EPHA4: variants seen among roughly 807,000 people sequenced by gnomAD.
The protein encoded by EPHA4 is ephrin type-A receptor 4.
EPHA4 carries 19 observed loss-of-function variants against 108.3 expected under a neutral mutation model. That is an observed-to-expected ratio of 0.18 (90% confidence interval 0.12 to 0.26). The LOEUF is 0.26. EPHA4 is among the 10% of genes least tolerant of loss of function. EPHA4 has a pLI of 1.00. For synonymous variants in EPHA4, 449 were observed against 455.5 expected, an observed-to-expected ratio of 0.99 and a Z score of 0.18; for missense variants, 917 against 1,254.0, an observed-to-expected ratio of 0.73 and a Z score of 4.06.
chr2:221,572,364 G>T, upstream of EPHA4: 2 of 877,204 alleles, frequency 2.3e-6, no homozygotes, highest in Non-Finnish European at 3.5e-6. Context: ...CCGGTGACGT[G>T]AGCCCGCCAG....
At chr2:221,457,321 T>C (rs1356972428) in intron 6 of EPHA4, among the ~76,000 whole-genome samples, 1 of 152,206 alleles carries the variant, frequency 6.6e-6, no homozygotes, top group African/African-American at 2.4e-5. Flanking sequence ...AGACAAGTTA[T>C]TTGTAAAAAT....
chr2:221,435,606 A>G (rs1690206947), intron 13 of EPHA4, among the ~76,000 whole-genome samples: 1 of 152,168 alleles, frequency 6.6e-6, no homozygotes, highest in Non-Finnish European at 1.5e-5. Flanking sequence ...GTTGATTTTA[A>G]CAGTGTCAGT....
Position 221,457,902 on chromosome 2 carries a change from C to A in EPHA4, c.1407G>T (p.Gly469=). The A allele has an allele frequency of 3.1e-6, 5 of 1,613,710 alleles. No homozygotes were observed. Among genetic ancestry groups the A allele is most frequent in the Non-Finnish European group, 4.2e-6 (5 of 1,179,756 alleles). Residue 469 remains glycine, a synonymous_variant, in exon 6 of 18, where the codon GGG becomes GGT. Coordinates refer to ENST00000281821, the MANE Select transcript of EPHA4 (RefSeq NM_004438.5). The stretch of plus-strand genomic sequence containing the variant: ...ACTTGACTTCATATTCCAGGATTAC[C>A]CCATTGGGCCGATCTGGTTCCAGCC... ...LAWLEPDRPN[G]VILEYEVKYY... is the part of the protein sequence containing the mutation.
chr2:221,469,603 C>T (rs1691414931), intron 5 of EPHA4, among the ~76,000 whole-genome samples: 1 of 152,176 alleles, frequency 6.6e-6, no homozygotes, highest in African/African-American at 2.4e-5. Context: ...ATTACTCCGT[C>T]TTCATCACTA....
At chr2:221,519,199 A>G (rs1461178964) in intron 3 of EPHA4, among the ~76,000 whole-genome samples, 1 of 152,216 alleles carries the variant, frequency 6.6e-6, no homozygotes, top group East Asian at 1.9e-4. Context: ...GCAGTGCAAC[A>G]GCTAGGGTGG....
At chr2:221,447,719 AAC>A (rs776699398) in intron 8 of EPHA4, among the ~76,000 whole-genome samples, 8 of 152,194 alleles carry the variant, frequency 5.3e-5, no homozygotes, top group Admixed American at 1.3e-4. Flanking sequence ...AACTTAGCAA[AAC>A]AGAGACCCCA....
intron 3 of EPHA4, among the ~76,000 whole-genome samples, chr2:221,513,762 A>C (rs893264226): frequency 6.6e-6 from 1 of 152,204 alleles, no homozygotes; most frequent in Non-Finnish European, 1.5e-5. Context: ...TTGGTATTGC[A>C]TGTAGTGGAC....
intron 3 of EPHA4, among the ~76,000 whole-genome samples, chr2:221,520,573 A>G (rs540164229): frequency 2.0e-5 from 3 of 150,140 alleles, no homozygotes; most frequent in Non-Finnish European, 4.5e-5. Flanking sequence ...AAGAGGGGGG[A>G]GAGAGAGAGA....
intron 15 of EPHA4, among the ~76,000 whole-genome samples, chr2:221,427,235 C>T (rs892681872): frequency 3.3e-5 from 5 of 152,190 alleles, no homozygotes; most frequent in South Asian, 2.1e-4. Context: ...GGCAGAAGAA[C>T]GGCCACTTTG....
chr2:221,556,739 G>C (rs1559292411), intron 3 of EPHA4, among the ~76,000 whole-genome samples: 1 of 151,996 alleles, frequency 6.6e-6, no homozygotes, highest in Non-Finnish European at 1.5e-5. Context: ...AGATATTTTT[G>C]AGAAAGGGAT....
At chr2:221,461,859 C>T (rs1409779371) in intron 5 of EPHA4, among the ~76,000 whole-genome samples, 1 of 152,100 alleles carries the variant, frequency 6.6e-6, no homozygotes, top group East Asian at 1.9e-4. Flanking sequence ...TTCAAGTTCT[C>T]TCATGGGTGA....
chr2:221,468,922 GT>G (rs1691396381), intron 5 of EPHA4, among the ~76,000 whole-genome samples: 1 of 152,238 alleles, frequency 6.6e-6, no homozygotes. Flanking sequence ...ATTCAGAAGT[GT>G]TGTGGCTTTG....
Position 221,458,388 on chromosome 2 carries a change from A to G in EPHA4, c.1319-398T>C, listed in dbSNP as rs114650107. ...GCTACATCTAATCCTACCTCCCAGT[A>G]TTATGAGTGCCATCTTACTGGACTT... On this transcript the variant is annotated intron_variant, in intron 5 of 17. Transcript: ENST00000281821. Among the ~76,000 whole-genome samples, 197 of 152,328 alleles carry G rather than the reference A, an allele frequency of 1.3e-3. 2 individuals are homozygous for G. The highest frequency in any genetic ancestry group is 4.4e-3 in the African/African-American group (184 of 41,580).
At chr2:221,524,258 T>TC (rs1413893123) in intron 3 of EPHA4, among the ~76,000 whole-genome samples, 4 of 152,194 alleles carry the variant, frequency 2.6e-5, no homozygotes, top group African/African-American at 9.7e-5. Context: ...ATCCAACCCA[T>TC]CAGGTACTGC....
intron 3 of EPHA4, among the ~76,000 whole-genome samples, chr2:221,510,103 T>C (rs1692781511): frequency 6.6e-6 from 1 of 152,210 alleles, no homozygotes; most frequent in African/African-American, 2.4e-5. Flanking sequence ...AAGATGGAAA[T>C]GACCAATGGA....
At chr2:221,439,186 C>T (rs979783332) in intron 11 of EPHA4, among the ~76,000 whole-genome samples, 1 of 152,148 alleles carries the variant, frequency 6.6e-6, no homozygotes, top group Non-Finnish European at 1.5e-5. Context: ...AATCTTGGTG[C>T]AGACCAAAGG....
rs1317701196 is a variant in EPHA4 at position 221,418,332 on chromosome 2, A to T, written c.*3040T>A. The T allele has an allele frequency of 6.6e-6, 1 of 152,644 alleles. No homozygotes were observed. Among genetic ancestry groups the T allele is most frequent in the Non-Finnish European group, 1.5e-5 (1 of 68,044 alleles). 9.5% of individuals were successfully genotyped at this position (152,644 alleles called of 1,614,324 possible). A position where few individuals can be genotyped will look rare whatever the true frequency, so the allele number is the denominator to read the frequency against. On this transcript the variant is annotated 3_prime_UTR_variant, in exon 18 of 18. Transcript: ENST00000281821. The stretch of plus-strand genomic sequence containing the variant: ...CCTTATACATTCTAATTTGAACCAC[A>T]GTCCTTGCATATTCCAACATACTTA...
intron 3 of EPHA4, among the ~76,000 whole-genome samples, chr2:221,561,058 C>T (rs968373712): frequency 1.6e-4 from 24 of 152,196 alleles, no homozygotes; most frequent in African/African-American, 4.3e-4. Flanking sequence ...CTGGCTAACA[C>T]GGTGAAACCC....
intron 3 of EPHA4, among the ~76,000 whole-genome samples, chr2:221,543,035 T>C (rs553405886): frequency 2.6e-5 from 4 of 152,330 alleles, no homozygotes; most frequent in East Asian, 3.9e-4. Flanking sequence ...TCTCGTTATG[T>C]TTGTTTCAAG....
Sources: gnomAD v4.1 joint callset for allele counts (sites outside exome capture counted in the v4.1 genomes callset) on GRCh38, gnomAD v4.1.1 for gene constraint, MANE v1.5 for transcripts, NCBI Gene and HGNC (gene_info 2026-07-23, HGNC 2026-07-21) for gene names.